CCNY: variants seen among roughly 807,000 people sequenced by gnomAD.
The protein encoded by CCNY is cyclin Y.
A neutral mutation model predicts 42.8 loss-of-function variants in CCNY; 19 were observed. The observed-to-expected ratio is 0.44, with a 90% CI of 0.31 to 0.65. The LOEUF (loss-of-function observed/expected upper bound fraction) is 0.65. Ranked by LOEUF, CCNY falls within the 30% of genes least tolerant of loss-of-function variation. CCNY has a pLI of 0.07. For synonymous variants in CCNY, 165 were observed against 162.7 expected, an observed-to-expected ratio of 1.01 and a Z score of -0.11; for missense variants, 370 against 437.3, an observed-to-expected ratio of 0.85 and a Z score of 1.37.
intron 3 of CCNY, among the ~76,000 whole-genome samples, chr10:35,330,008 C>A (rs150985430): frequency 3.5e-4 from 54 of 152,262 alleles, no homozygotes; most frequent in African/African-American, 1.2e-3. Flanking sequence ...GAGACAAGTA[C>A]GTTAATACAA....
At chr10:35,517,016 A>G (rs765546114) in intron 4 of CCNY, among the ~76,000 whole-genome samples, 8 of 152,142 alleles carry the variant, frequency 5.3e-5, no homozygotes, top group Non-Finnish European at 1.2e-4. Flanking sequence ...TCTAAATAAA[A>G]TGAGACTCCT....
chr10:35,280,631 G>C (rs1253074873), intron 3 of CCNY, among the ~76,000 whole-genome samples: 1 of 152,086 alleles, frequency 6.6e-6, no homozygotes, highest in African/African-American at 2.4e-5. Flanking sequence ...ATTAAATGTA[G>C]GAGCCCAAAA....
chr10:35,474,135 T>TG (rs1364356345), intron 1 of CCNY, among the ~76,000 whole-genome samples: 1 of 151,916 alleles, frequency 6.6e-6, no homozygotes, highest in Non-Finnish European at 1.5e-5. Context: ...GCACCTGGCT[T>TG]GGAGGGTCCT....
chr10:35,255,573 C>A (rs905111800), intron 3 of CCNY, among the ~76,000 whole-genome samples: 3 of 152,026 alleles, frequency 2.0e-5, no homozygotes, highest in Admixed American at 6.6e-5. Flanking sequence ...GCTGAGATTA[C>A]AGGCATGAGC....
At chr10:35,312,607 A>G (rs1835700722) in intron 3 of CCNY, among the ~76,000 whole-genome samples, 1 of 151,674 alleles carries the variant, frequency 6.6e-6, no homozygotes, top group African/African-American at 2.4e-5. Context: ...AGAAGGTTTT[A>G]TTTTACCTCC....
intron 7 of CCNY, among the ~76,000 whole-genome samples, chr10:35,551,944 C>T (rs778715727): frequency 3.3e-5 from 5 of 152,096 alleles, no homozygotes; most frequent in African/African-American, 7.2e-5. Context: ...ATGGTGCATA[C>T]GGTGGAAAAT....
At chr10:35,358,261 G>A (rs1363703548) in intron 1 of CCNY, among the ~76,000 whole-genome samples, 1 of 138,610 alleles carries the variant, frequency 7.2e-6, no homozygotes, top group Non-Finnish European at 1.5e-5. Flanking sequence ...TGCTGTTTCT[G>A]TGAAATCTAA....
At chr10:35,447,236 C>T (rs1300662597) in intron 1 of CCNY, among the ~76,000 whole-genome samples, 2 of 152,202 alleles carry the variant, frequency 1.3e-5, no homozygotes, top group Non-Finnish European at 2.9e-5. Context: ...GAGATCGTGC[C>T]ACCGCACTCC....
chr10:35,359,492 T>G (rs1450546132), intron 1 of CCNY, among the ~76,000 whole-genome samples: 2 of 76,802 alleles, frequency 2.6e-5, no homozygotes, highest in African/African-American at 7.9e-5. Context: ...AACTCTTTAT[T>G]TATTATTATT....
At chr10:35,306,360 A>G (rs560436534) in intron 3 of CCNY, among the ~76,000 whole-genome samples, 1 of 152,310 alleles carries the variant, frequency 6.6e-6, no homozygotes, top group East Asian at 1.9e-4. Context: ...GTCATTCAGC[A>G]CAGCATGGAA....
intron 1 of CCNY, among the ~76,000 whole-genome samples, chr10:35,458,734 C>T (rs1384564745): frequency 1.3e-5 from 2 of 152,208 alleles, no homozygotes; most frequent in African/African-American, 4.8e-5. Context: ...CAAGCCCGTC[C>T]TGAATTGTGT....
intron 1 of CCNY, among the ~76,000 whole-genome samples, chr10:35,467,910 C>T (rs1225154746): frequency 6.6e-6 from 1 of 152,220 alleles, no homozygotes; most frequent in Non-Finnish European, 1.5e-5. Context: ...GTGCTCCATT[C>T]TAAGTGATTT....
At chr10:35,465,750 A>G (rs1017273432) in intron 1 of CCNY, among the ~76,000 whole-genome samples, 8 of 152,094 alleles carry the variant, frequency 5.3e-5, no homozygotes, top group Non-Finnish European at 1.2e-4. Flanking sequence ...AGTCCTCCAA[A>G]TAAAAATCCA....
chr10:35,495,885 A>AATTGAGTG lies in CCNY; in HGVS notation c.230-5614_230-5607dup, dbSNP rs575446995. On this transcript the variant is annotated intron_variant, in intron 2 of 9. Coordinates refer to ENST00000374704, the MANE Select transcript of CCNY (RefSeq NM_145012.6). The stretch of plus-strand genomic sequence containing the variant: ...GAACAGGGGCTCAACAGTTGTTTTG[A>AATTGAGTG]ATTGAGTGAGTGAGTGAGTGAGTGA... Among the ~76,000 whole-genome samples the AATTGAGTG allele has an allele frequency of 5.3e-4, 81 of 152,200 alleles. 1 individual carries two copies. Among genetic ancestry groups the AATTGAGTG allele is most frequent in the African/African-American group, 1.8e-3 (75 of 41,544 alleles).
intron 3 of CCNY, among the ~76,000 whole-genome samples, chr10:35,322,524 TAA>T (rs1835833249): frequency 6.6e-6 from 1 of 152,136 alleles, no homozygotes; most frequent in East Asian, 1.9e-4. Flanking sequence ...TTTACAAAGT[TAA>T]AGACTTCTGC....
Position 35,525,982 on chromosome 10 carries a change from T to C in CCNY, c.384T>C (p.Tyr128=). 6.2e-7 allele frequency: 1 copy of C among 1,611,856 alleles called. No individual in the cohort carries two copies. The highest frequency in any genetic ancestry group is 2.2e-5 in the East Asian group (1 of 44,748). The change falls in exon 5 of 10, where the codon TAT becomes TAC. Residue 128 remains tyrosine (Y), a synonymous_variant. Coordinates refer to ENST00000374704, the MANE Select transcript of CCNY (RefSeq NM_145012.6). ...YTIKCVALAI[Y]YHIKNRDPDG... is the part of the protein sequence containing the mutation. ...TTTACAGTGTCGCTCTTGCAATATA[T>C]TATCACATCAAAAACAGGTATGTGG... is the stretch of plus-strand genomic sequence containing the variant.
At chr10:35,546,508 A>G (rs764076703) in intron 7 of CCNY, among the ~76,000 whole-genome samples, 10 of 152,258 alleles carry the variant, frequency 6.6e-5, no homozygotes, top group Non-Finnish European at 1.3e-4. Flanking sequence ...TAGAAAAATC[A>G]ACCGTGTATT....
Position 35,407,399 on chromosome 10 carries a change from T to C in CCNY, c.154+70192T>C, listed in dbSNP as rs116019126. On this transcript the variant is annotated intron_variant, in intron 1 of 9. Coordinates refer to ENST00000374704, the MANE Select transcript of CCNY (RefSeq NM_145012.6). ...ACTCAGAGACGCTTGGGGTTAGGAC[T>C]GAAGGAACAGACAGGAGAGAAAGAA... Among the ~76,000 whole-genome samples, 438 of 152,028 alleles carry C rather than the reference T, an allele frequency of 2.9e-3. 1 individual carries two copies. Among genetic ancestry groups the C allele is most frequent in the African/African-American group, 0.01 (420 of 41,424 alleles).
At chr10:35,251,849 A>C (rs1264977073) in intron 3 of CCNY, among the ~76,000 whole-genome samples, 9 of 152,118 alleles carry the variant, frequency 5.9e-5, no homozygotes, top group African/African-American at 1.7e-4. Context: ...TCGGCGGCCC[A>C]AACTGCTAGG....
Sources: allele counts gnomAD v4.1 joint callset (sites outside exome capture counted in the v4.1 genomes callset), GRCh38; gene constraint gnomAD v4.1.1; transcripts MANE v1.5; gene names NCBI Gene and HGNC (gene_info 2026-07-23, HGNC 2026-07-21).